The following WNK3 variants were observed in gnomAD, a reference collection of about 807,000 sequenced individuals.
WNK3 encodes the protein serine/threonine-protein kinase WNK3.
A neutral mutation model predicts 116.7 loss-of-function variants in WNK3; 18 were observed. That is an observed-to-expected ratio of 0.15 (90% CI 0.11 to 0.23). The LOEUF (loss-of-function observed/expected upper bound fraction) is 0.23, where lower values mean the gene tolerates loss of function less well. Among genes scored for constraint, WNK3 ranks in the 10% least tolerant of loss-of-function variants. The pLI, the probability that WNK3 is intolerant of heterozygous loss-of-function variation, is 1.00. For missense variants in WNK3, 993 were observed against 1,323.8 expected (o/e 0.75, Z 3.88); for synonymous variants, 404 against 469.4 (o/e 0.86, Z 1.80).
At chrX:54,357,441 G>A (rs2069609214) in intron 1 of WNK3, among the ~76,000 whole-genome samples, 1 of 111,286 alleles carries the variant, frequency 9.0e-6, no homozygotes, top group Non-Finnish European at 1.9e-5. Flanking sequence ...TTTCCTCTCC[G>A]CCTATTCAGC....
Position 54,206,453 on chromosome X carries a change from C to T in WNK3, c.4871-4260G>A, listed in dbSNP as rs539532218. Among the ~76,000 whole-genome samples the T allele has an allele frequency of 9.8e-5, 11 of 111,735 alleles. No individual in the cohort carries two copies. In the South Asian group the frequency reaches 3.4e-3, roughly 35 times the overall value. On this transcript the variant is annotated intron_variant, in intron 22 of 23. Transcript: ENST00000354646. ...TACCTGGGGTCAAACCTATCACAAT[C>T]CTGGCATGACGATTTGCTTAAATGT... is the stretch of plus-strand genomic sequence containing the variant.
chrX:54,285,583 T>G (rs1384996819), intron 10 of WNK3, among the ~76,000 whole-genome samples: 3 of 112,290 alleles, frequency 2.7e-5, no homozygotes, highest in African/African-American at 9.7e-5. Flanking sequence ...AAATGTTTAT[T>G]GGAACACAGC....
chrX:54,298,021 C>T (rs2068717346), intron 7 of WNK3, among the ~76,000 whole-genome samples, 154 bp downstream of exon 7: 2 of 110,159 alleles, frequency 1.8e-5, no homozygotes, highest in South Asian at 3.9e-4. Context: ...TGCAGTGAGC[C>T]GAGATCGCAC....
Position 54,347,683 on chromosome X carries a change from T to C in WNK3, c.-120+10003A>G, listed in dbSNP as rs782126129. 2.0e-3 allele frequency among the ~76,000 whole-genome samples: 197 copies of C among 96,597 alleles called. 1 individual carries two copies. The highest frequency in any genetic ancestry group is 8.4e-3 in the African/African-American group (184 of 21,980). The allele number at this position is 96,597 out of a possible 115,157, so 83.9% of individuals were successfully genotyped here. ...TAAAAGACATATATATATATACACA[T>C]ATATATATATACACATATATATATA... On this transcript the variant is annotated intron_variant, in intron 1 of 23. Coordinates refer to ENST00000354646, the Ensembl canonical transcript of WNK3.
At chrX:54,353,288 G>C (rs782191488) in intron 1 of WNK3, among the ~76,000 whole-genome samples, 46 of 110,602 alleles carry the variant, frequency 4.2e-4, no homozygotes, top group Non-Finnish European at 6.8e-4. Context: ...GAGAAACCCT[G>C]TCTCTACTAA....
chrX:54,298,365 G>A, exon 7 of WNK3: 1 of 1,209,217 alleles, frequency 8.3e-7, no homozygotes, highest in Non-Finnish European at 1.1e-6. Context: ...AGCAAAAAAT[G>A]CATGGTTTAA....
At chrX:54,333,109 A>G (rs781793483) in intron 2 of WNK3, 28 bp downstream of exon 2, 1 of 1,117,868 alleles carries the variant, frequency 8.9e-7, no homozygotes, top group Admixed American at 2.8e-5. Context: ...ACTTGAATTT[A>G]TTATAACCAA....
At chrX:54,255,378 T>C (rs2146953557) in intron 12 of WNK3, among the ~76,000 whole-genome samples, 1 of 111,426 alleles carries the variant, frequency 9.0e-6, no homozygotes, top group South Asian at 3.8e-4. Flanking sequence ...AATGCATGGA[T>C]AACATTTAGG....
chrX:54,304,565 C>T (rs988177050), intron 5 of WNK3, among the ~76,000 whole-genome samples: 49 of 108,473 alleles, frequency 4.5e-4, no homozygotes, highest in Non-Finnish European at 9.0e-4. Flanking sequence ...ATCATATAAT[C>T]GTCCCCCCTA....
At chrX:54,224,887 C>G (rs1468253812) in intron 22 of WNK3, among the ~76,000 whole-genome samples, 1 of 110,586 alleles carries the variant, frequency 9.0e-6, no homozygotes, top group Non-Finnish European at 1.9e-5. Flanking sequence ...ACTTCTATAA[C>G]CCACTTTTAA....
chrX:54,278,407 T>C (rs1821352036), intron 10 of WNK3, among the ~76,000 whole-genome samples: 1 of 106,093 alleles, frequency 9.4e-6, no homozygotes, highest in Non-Finnish European at 1.9e-5. Context: ...AAAACAGAAA[T>C]CCAGAAGAGC....
chrX:54,327,700 G>T (rs1397406814), intron 2 of WNK3, among the ~76,000 whole-genome samples: 2 of 110,851 alleles, frequency 1.8e-5, no homozygotes, highest in Non-Finnish European at 3.8e-5. Context: ...AAATCAAAAG[G>T]CCAGGTGGTG....
At chrX:54,222,135 C>T (rs1420270235) in intron 22 of WNK3, among the ~76,000 whole-genome samples, 8 of 109,801 alleles carry the variant, frequency 7.3e-5, no homozygotes, top group African/African-American at 2.7e-4. Context: ...CCAGCCTGGG[C>T]GACAAGAGCA....
chrX:54,235,298 T>G (rs2067949539), intron 20 of WNK3, among the ~76,000 whole-genome samples: 1 of 112,013 alleles, frequency 8.9e-6, no homozygotes, highest in Non-Finnish European at 1.9e-5. Context: ...TTTTATTTTA[T>G]TTTTTGAGAT....
intron 19 of WNK3, among the ~76,000 whole-genome samples, chrX:54,237,866 C>T (rs2067980694): frequency 1.8e-5 from 2 of 111,790 alleles, no homozygotes; most frequent in Non-Finnish European, 3.8e-5. Flanking sequence ...TTCATCTTTA[C>T]TGATGGCTTC....
At position 54,244,041 on chromosome X, in the gene WNK3, C is replaced by T. The variant is rs186210562; in HGVS notation, c.3651+4656G>A. ...TCTAGCATAAGCAAATCTATACTGA[C>T]AGAAAGCAGATTTGTGGTTGCAAGG... On this transcript the variant is annotated intron_variant, in intron 17 of 23. Coordinates refer to ENST00000354646, the Ensembl canonical transcript of WNK3. Among the ~76,000 whole-genome samples the T allele has an allele frequency of 2.7e-5, 3 of 111,627 alleles. No individual in the cohort carries two copies. In the East Asian group the frequency reaches 8.4e-4, roughly 31 times the overall value.
In WNK3 at chrX:54,212,031, C is replaced by T. The variant is rs1257569193; in HGVS notation, c.4871-9838G>A. Among the ~76,000 whole-genome samples the T allele has an allele frequency of 3.6e-5, 4 of 111,036 alleles. No homozygotes were observed. In the East Asian group the frequency reaches 1.1e-3, roughly 31 times the overall value. On this transcript the variant is annotated intron_variant, in intron 22 of 23. Coordinates refer to ENST00000354646, the Ensembl canonical transcript of WNK3. The stretch of plus-strand genomic sequence containing the variant: ...CATGAGGTCAGGAGATGGAGACCAT[C>T]CTGGCTAACACAGTGAAATGCCGTC...
chrX:54,286,288 C>T lies in WNK3; in HGVS notation c.2037+6600G>A, dbSNP rs1422176013. 1.1e-4 allele frequency among the ~76,000 whole-genome samples: 12 copies of T among 110,186 alleles called. No homozygotes were observed. The East Asian group carries it at 3.4e-3, about 31-fold the overall frequency. On this transcript the variant is annotated intron_variant, in intron 10 of 23. Coordinates refer to ENST00000354646, the Ensembl canonical transcript of WNK3. Reference sequence around the variant, plus strand: ...AATAAATAAATCCCAGAATAGTATGCCCCTGTCTGAAGAAACTTCAGCTGC... The same window carrying T: ...AATAAATAAATCCCAGAATAGTATGTCCCTGTCTGAAGAAACTTCAGCTGC...
At position 54,356,082 on chromosome X, in the gene WNK3, T is replaced by C. The variant is rs1423335067; in HGVS notation, c.-120+1604A>G. 4.5e-5 allele frequency among the ~76,000 whole-genome samples: 5 copies of C among 111,387 alleles called. No individual in the cohort carries two copies. In the Admixed American group the frequency reaches 4.8e-4, roughly 11 times the overall value. ...TCCAAGAAAACTAAATATATATCAG[T>C]AAAATGTGTAAAAAATAATCACAAA... On this transcript the variant is annotated intron_variant, in intron 1 of 23. Transcript: ENST00000354646.
Sources: allele counts gnomAD v4.1 joint callset (sites outside exome capture counted in the v4.1 genomes callset), GRCh38; gene constraint gnomAD v4.1.1; transcripts MANE v1.5; gene names NCBI Gene and HGNC (gene_info 2026-07-23, HGNC 2026-07-21).